Variants in AMPD3 observed in about 807,000 individuals in gnomAD.
The protein encoded by AMPD3 is AMP deaminase 3.
In AMPD3, 57 loss-of-function variants were observed where a neutral mutation model predicts 82.3. That is an observed-to-expected ratio of 0.69 (90% CI 0.56 to 0.86). AMPD3 has a LOEUF of 0.86. Among genes scored for constraint, AMPD3 ranks in the 40% least tolerant of loss-of-function variants. The probability of loss-of-function intolerance (pLI) is 0.00; values close to 1 mark genes in which losing one functional copy is unlikely to be tolerated. For missense variants in AMPD3, 870 were observed against 1,003.8 expected (o/e 0.87, Z 1.80); for synonymous variants, 381 against 394.7 (o/e 0.97, Z 0.41).
rs112273750 is a variant in AMPD3, at chr11:10,466,201, G to C, written c.221+4461G>C. 3.5e-3 allele frequency among the ~76,000 whole-genome samples: 530 copies of C among 152,072 alleles called. 6 individuals carry two copies. Among genetic ancestry groups the C allele is most frequent in the South Asian group, 7.7e-3 (37 of 4,816 alleles). On this transcript the variant is annotated intron_variant, in intron 2 of 14. Transcript: ENST00000396553. ...CGCTTGAACCCAGGAGAAGGAGGTT[G>C]CAGTGATCTGAGATCGCACCATTGC...
Position 10,501,587 on chromosome 11 carries a change from G to C in AMPD3, c.1839G>C (p.Lys613Asn), listed in dbSNP as rs755285212. 6.2e-7 allele frequency: 1 copy of C among 1,614,186 alleles called. No individual in the cohort carries two copies. Among genetic ancestry groups the C allele is most frequent in the Non-Finnish European group, 8.5e-7 (1 of 1,180,040 alleles). Residue 613 changes from lysine (K) to asparagine (N), a missense_variant, in exon 12 of 15, where the codon AAG becomes AAC. Lys to Asn is a moderately conservative substitution (Grantham distance 94, BLOSUM62 0). Transcript: ENST00000396553. ...ACATTTCCCACGGGCTGCTCCTCAA[G>C]AAGGTAACCAGGTCACTCTCGGGAG... ...ADNISHGLLLKKSPVLQYLYY... is the reference protein window; with the variant it reads ...ADNISHGLLLNKSPVLQYLYY...
intron 12 of AMPD3, chr11:10,502,448 T>C (rs1849605896): frequency 3.0e-6 from 3 of 985,364 alleles, no homozygotes; most frequent in African/African-American, 1.7e-5. Flanking sequence ...CCCTGAGCCT[T>C]GCCTCCAGTT....
chr11:10,450,614 CG>C, upstream of AMPD3: 2 of 992,922 alleles, frequency 2.0e-6, no homozygotes, highest in Non-Finnish European at 2.4e-6. Context: ...GGCTGCGGCG[CG>C]GGCCCCGCGG....
At chr11:10,468,741 A>G (rs1456364071) in intron 2 of AMPD3, among the ~76,000 whole-genome samples, 1 of 152,228 alleles carries the variant, frequency 6.6e-6, no homozygotes, top group Non-Finnish European at 1.5e-5. Flanking sequence ...CATAATTGGA[A>G]GTAAAACACT....
intron 5 of AMPD3, among the ~76,000 whole-genome samples, chr11:10,485,879 A>G (rs954874850): frequency 6.6e-6 from 1 of 151,940 alleles, no homozygotes; most frequent in Non-Finnish European, 1.5e-5. Flanking sequence ...TAGGCTGATC[A>G]GTAATACCTG....
intron 3 of AMPD3, 27 bp downstream of exon 3, chr11:10,478,757 G>A (rs1241473325): frequency 1.9e-6 from 3 of 1,605,652 alleles, no homozygotes; most frequent in South Asian, 1.1e-5. Flanking sequence ...AGTGTTGAAT[G>A]TGCCTTGCAT....
In AMPD3 at chr11:10,484,878, C is replaced by A; in HGVS notation, c.648C>A (p.Pro216=). 3 of 1,614,148 alleles carry A rather than the reference C, an allele frequency of 1.9e-6. No individual in the cohort carries two copies. Among genetic ancestry groups the A allele is most frequent in the South Asian group, 1.1e-5 (1 of 91,078 alleles). ...CCTACTGCCTGGATGATGCACCCCC[C>A]AACCTGGATTACTTGGTCCACATGC... The part of the protein sequence containing the change: ...EDPYCLDDAP[P]NLDYLVHMQG... Residue 216 remains proline (P), a synonymous_variant, in exon 5 of 15, where the codon CCC becomes CCA. Coordinates refer to ENST00000396553, the MANE Select transcript of AMPD3 (RefSeq NM_001025389.2).
intron 6 of AMPD3, among the ~76,000 whole-genome samples, chr11:10,488,959 A>G (rs1037449433): frequency 2.6e-5 from 4 of 152,184 alleles, no homozygotes; most frequent in African/African-American, 9.7e-5. Context: ...CACTTCTGTT[A>G]CACGCCAGGG....
Position 10,484,840 on chromosome 11 carries a change from C to T in AMPD3, c.610C>T (p.Pro204Ser). 1 of 1,614,030 alleles carries T rather than the reference C, an allele frequency of 6.2e-7. No individual in the cohort carries two copies. Among genetic ancestry groups the T allele is most frequent in the Non-Finnish European group, 8.5e-7 (1 of 1,180,012 alleles). The change falls in exon 5 of 15, where the codon CCC becomes TCC. Residue 204 changes from proline (P) to serine (S), a missense_variant. Transcript: ENST00000396553. Reference protein sequence around the residue: ...GLPDFHPPPLPQEDPYCLDDA... With the variant: ...GLPDFHPPPLSQEDPYCLDDA... ...TGCAGACTTCCACCCTCCTCCACTG[C>T]CCCAGGAAGACCCCTACTGCCTGGA...
upstream of AMPD3, chr11:10,450,627 G>A (rs942204306): frequency 5.0e-5 from 50 of 996,524 alleles, no homozygotes; most frequent in African/African-American, 7.8e-4. Context: ...GCCCCGCGGA[G>A]CCCAGGAGGC....
chr11:10,482,920 C>G (rs146648027), intron 4 of AMPD3, among the ~76,000 whole-genome samples: 3 of 152,236 alleles, frequency 2.0e-5, no homozygotes, highest in Non-Finnish European at 4.4e-5. Context: ...GGGCATGTTC[C>G]CTGGGAAGAC....
chr11:10,502,326 G>A lies in AMPD3; in HGVS notation c.1843-395G>A, dbSNP rs1214802922. On this transcript the variant is annotated intron_variant, in intron 12 of 14. Coordinates refer to ENST00000396553, the MANE Select transcript of AMPD3 (RefSeq NM_001025389.2). ...GCTGGAGTGTTTATAGTCTCAACCT[G>A]GCTGTTTGCAGTCAAAGCAATAAAA... The A allele has an allele frequency of 5.1e-6, 5 of 985,320 alleles. No individual in the cohort carries two copies. In the African/African-American group the frequency reaches 7.0e-5, roughly 14 times the overall value. 61.0% of individuals were successfully genotyped at this position (985,320 alleles called of 1,614,324 possible). A position where few individuals can be genotyped will look rare whatever the true frequency, so the allele number is the denominator to read the frequency against.
At position 10,494,872 on chromosome 11, in the gene AMPD3, G is replaced by A. The variant is rs79142215; in HGVS notation, c.1135-27G>A. ...GTGCATGGTGGCTGCAGAACGATGC[G>A]TTGATTGGTGTGGTCTCCCCCCTCA... On this transcript the variant is annotated intron_variant, in intron 7 of 14. Coordinates refer to ENST00000396553, the MANE Select transcript of AMPD3 (RefSeq NM_001025389.2). The A allele has an allele frequency of 3.4e-3, 5,430 of 1,606,860 alleles. 130 individuals carry two copies. The African/African-American group carries it at 0.055, about 16-fold the overall frequency.
At position 10,473,270 on chromosome 11, in the gene AMPD3, A is replaced by C. The variant is rs1179937135; in HGVS notation, c.222-5256A>C. On this transcript the variant is annotated intron_variant, in intron 2 of 14. Coordinates refer to ENST00000396553, the MANE Select transcript of AMPD3 (RefSeq NM_001025389.2). ...GGGCGGCAGAGCAAGACCCTGTGTC[A>C]AAAAAAAGTAAAAATAAAAATAAAG... 4 of 601,694 alleles carry C rather than the reference A, an allele frequency of 6.6e-6. No homozygotes were observed. The African/African-American group carries it at 8.2e-5, about 12-fold the overall frequency. 37.3% of individuals were successfully genotyped at this position (601,694 alleles called of 1,614,324 possible). A position where few individuals can be genotyped will look rare whatever the true frequency, so the allele number is the denominator to read the frequency against.
rs771039522 is a variant in AMPD3 at position 10,456,337 on chromosome 11, GCAGCA to G, written c.-6+891_-6+895del. 1 of 1,612,770 alleles carries G rather than the reference GCAGCA, an allele frequency of 6.2e-7. No homozygotes were observed. Among genetic ancestry groups the G allele is most frequent in the East Asian group, 2.2e-5 (1 of 44,870 alleles). ...CTCAGCTGAGCCTCCTGGGTGGCAG[GCAGCA>G]CCTCACCCGGGTGCATCACTTGAGT... On this transcript the variant is annotated intron_variant, in intron 1 of 14. Transcript: ENST00000396553. This position sits in a 1 kb window ranked among gnomAD's most constrained non-coding sequence, Gnocchi z 4.3.
At chr11:10,495,935 G>T (rs201020116) in intron 9 of AMPD3, among the ~76,000 whole-genome samples, 20,085 of 78,116 alleles carry the variant, frequency 0.26, 1,290 homozygotes, top group African/African-American at 0.33. Flanking sequence ...TTTTTTTTTT[G>T]AGACAGAGTC....
chr11:10,478,617 G>T lies in AMPD3; in HGVS notation c.313G>T (p.Ala105Ser). 1.2e-6 allele frequency: 2 copies of T among 1,614,212 alleles called. No individual in the cohort carries two copies. Among genetic ancestry groups the T allele is most frequent in the South Asian group, 2.2e-5 (2 of 91,088 alleles). ...DWKGPPAASP[A>S]MSPTTPVVTG... ...GAAGGGCCCCCCGGCAGCCAGTCCG[G>T]CCATGTCTCCCACAACCCCTGTGGT... Residue 105 changes from alanine to serine, a missense_variant, in exon 3 of 15, where the codon GCC becomes TCC. Ala to Ser is a moderately conservative substitution (Grantham distance 99). Transcript: ENST00000396553.
intron 4 of AMPD3, chr11:10,484,270 T>C (rs1848998853): frequency 6.1e-6 from 6 of 985,354 alleles, no homozygotes; most frequent in Non-Finnish European, 7.2e-6. Flanking sequence ...GGCTTTATCA[T>C]TGGCATTCTC....
intron 1 of AMPD3, among the ~76,000 whole-genome samples, chr11:10,458,483 T>C (rs929502507): frequency 6.6e-6 from 1 of 152,172 alleles, no homozygotes; most frequent in Non-Finnish European, 1.5e-5. Context: ...AAATAAAATA[T>C]CCTCTCACAC....
Sources: allele counts gnomAD v4.1 joint callset (sites outside exome capture counted in the v4.1 genomes callset), GRCh38; gene constraint gnomAD v4.1.1; non-coding constraint Gnocchi (gnomAD v3.1); transcripts MANE v1.5; gene names NCBI Gene and HGNC (gene_info 2026-07-23, HGNC 2026-07-21).